CNTNAP5: variants seen among roughly 807,000 people sequenced by gnomAD.
CNTNAP5 encodes contactin-associated protein-like 5.
A neutral mutation model predicts 150.2 loss-of-function variants in CNTNAP5; 72 were observed. The ratio of observed to expected loss-of-function variants is 0.48; its 90% CI spans 0.40 to 0.58. The LOEUF (loss-of-function observed/expected upper bound fraction) is 0.58, where lower values mean the gene tolerates loss of function less well. Ranked by LOEUF, CNTNAP5 falls within the 20% of genes least tolerant of loss-of-function variation. CNTNAP5 has a pLI of 0.00. For missense variants in CNTNAP5, 1,636 were observed against 1,626.2 expected (o/e 1.01, Z -0.10); for synonymous variants, 672 against 619.8 (o/e 1.08, Z -1.25).
chr2:124,155,235 T>C (rs1368142328), intron 1 of CNTNAP5, among the ~76,000 whole-genome samples: 1 of 152,146 alleles, frequency 6.6e-6, no homozygotes, highest in Non-Finnish European at 1.5e-5. Flanking sequence ...GACTGCTCTT[T>C]AGATATTCAA....
chr2:124,785,269 A>G (rs376809473), intron 17 of CNTNAP5, among the ~76,000 whole-genome samples: 1 of 152,164 alleles, frequency 6.6e-6, no homozygotes. Context: ...TTCTGTGGTC[A>G]AGTGGAGAGT....
rs1677341241 is a variant in CNTNAP5, at chr2:124,609,855, T to C, written c.1811T>C (p.Phe604Ser). Reference sequence around the variant, plus strand: ...AGGCACCAGGGGAATACAGCCGGCTTCTTCTACATCGACTCAGATGGCAGC... The same window carrying C: ...AGGCACCAGGGGAATACAGCCGGCTCCTTCTACATCGACTCAGATGGCAGC... ...VYRHQGNTAGFFYIDSDGSGP... is the reference protein window; with the variant it reads ...VYRHQGNTAGSFYIDSDGSGP... The change falls in exon 12 of 24, where the codon TTC (phenylalanine) becomes TCC (serine). Residue 604 changes from phenylalanine (F) to serine (S), a missense_variant. Phe to Ser is a radical substitution (Grantham distance 155). Coordinates refer to ENST00000682447, the MANE Select transcript of CNTNAP5 (RefSeq NM_001367498.1). 1.9e-6 allele frequency: 3 copies of C among 1,613,890 alleles called. No homozygotes were observed. The Admixed American group carries it at 5.0e-5, about 27-fold the overall frequency.
chr2:124,484,063 C>T (rs1221704376), intron 7 of CNTNAP5, among the ~76,000 whole-genome samples: 3 of 152,192 alleles, frequency 2.0e-5, no homozygotes, highest in East Asian at 1.9e-4. Flanking sequence ...CTGTGGATCC[C>T]GACACTACTT....
At position 124,647,823 on chromosome 2, in the gene CNTNAP5, CCTGAGA is replaced by C; in HGVS notation, c.1943_1948del (p.Pro648_Lys650delinsGln). On this transcript the variant is annotated inframe_deletion, in exon 13 of 24. Coordinates refer to ENST00000682447, the MANE Select transcript of CNTNAP5 (RefSeq NM_001367498.1). ...GCTGACCCGAGTGCGGGGCGCTAAC[CCTGAGA>C]AGCCCTATGCCATGGCCTTGGACTA... 1 of 1,613,504 alleles carries C rather than the reference CCTGAGA, an allele frequency of 6.2e-7. No homozygotes were observed. The highest frequency in any genetic ancestry group is 8.5e-7 in the Non-Finnish European group (1 of 1,179,692).
chr2:124,196,593 A>C (rs186596209), intron 1 of CNTNAP5, among the ~76,000 whole-genome samples: 2 of 152,342 alleles, frequency 1.3e-5, no homozygotes, highest in Non-Finnish European at 2.9e-5. Context: ...AACGTATCAT[A>C]TGGAATGCTA....
chr2:124,337,917 A>G (rs1455690795), intron 3 of CNTNAP5, among the ~76,000 whole-genome samples: 3 of 151,706 alleles, frequency 2.0e-5, no homozygotes, highest in South Asian at 4.2e-4. Context: ...GAAGAAAGTC[A>G]TTGGTGGGAA....
At chr2:124,850,124 A>G (rs1434952210) in intron 19 of CNTNAP5, among the ~76,000 whole-genome samples, 4 of 152,232 alleles carry the variant, frequency 2.6e-5, no homozygotes, top group African/African-American at 9.6e-5. Flanking sequence ...CATTTGAGAT[A>G]GTTCCTAGAA....
chr2:124,843,304 G>C (rs1040918150), intron 19 of CNTNAP5, among the ~76,000 whole-genome samples: 1 of 151,772 alleles, frequency 6.6e-6, no homozygotes, highest in Admixed American at 6.6e-5. Flanking sequence ...CATTTGGGCT[G>C]GTTCTGTATT....
intron 19 of CNTNAP5, among the ~76,000 whole-genome samples, chr2:124,800,609 C>T (rs1681946938): frequency 1.3e-5 from 2 of 152,134 alleles, no homozygotes; most frequent in Non-Finnish European, 2.9e-5. Context: ...TTTTAAAATG[C>T]ACAATGTTTT....
chr2:124,089,708 A>G (rs1228910830), intron 1 of CNTNAP5, among the ~76,000 whole-genome samples: 3 of 152,176 alleles, frequency 2.0e-5, no homozygotes, highest in East Asian at 1.9e-4. Flanking sequence ...TCTATGCTGC[A>G]TTTTCTGCTC....
chr2:124,389,895 G>A (rs982416337), intron 3 of CNTNAP5, among the ~76,000 whole-genome samples: 7 of 152,090 alleles, frequency 4.6e-5, no homozygotes, highest in African/African-American at 1.7e-4. Context: ...GAGCCTGAGA[G>A]GTCAAGGCTG....
At chr2:124,401,160 C>T (rs886942807) in intron 3 of CNTNAP5, among the ~76,000 whole-genome samples, 2 of 152,148 alleles carry the variant, frequency 1.3e-5, no homozygotes, top group Non-Finnish European at 2.9e-5. Flanking sequence ...GCCATCGTGC[C>T]CAGCCAATTA....
chr2:124,342,926 T>C (rs1336402021), intron 3 of CNTNAP5, among the ~76,000 whole-genome samples: 1 of 152,206 alleles, frequency 6.6e-6, no homozygotes, highest in Non-Finnish European at 1.5e-5. Flanking sequence ...ATCAGTTTAG[T>C]ATTCTTTTTC....
chr2:124,467,058 C>T (rs1341716627), intron 6 of CNTNAP5, among the ~76,000 whole-genome samples: 2 of 152,162 alleles, frequency 1.3e-5, no homozygotes, highest in Non-Finnish European at 2.9e-5. Flanking sequence ...AAGATCAAAA[C>T]AGGCCGTTGT....
intron 3 of CNTNAP5, among the ~76,000 whole-genome samples, chr2:124,394,371 CAAA>C (rs70996062): frequency 1.3e-4 from 14 of 106,282 alleles, no homozygotes; most frequent in Non-Finnish European, 1.8e-4. Flanking sequence ...GACTCTGTCT[CAAA>C]AAAAAAAAAA....
intron 12 of CNTNAP5, among the ~76,000 whole-genome samples, chr2:124,635,237 G>T (rs1677947666): frequency 6.6e-6 from 1 of 152,154 alleles, no homozygotes; most frequent in African/African-American, 2.4e-5. Context: ...GTGGGAGCAG[G>T]AGAAAGAGAG....
At chr2:124,395,806 T>A (rs1691228287) in intron 3 of CNTNAP5, among the ~76,000 whole-genome samples, 1 of 152,110 alleles carries the variant, frequency 6.6e-6, no homozygotes, top group Non-Finnish European at 1.5e-5. Flanking sequence ...CACATACACA[T>A]ACACACTCAC....
chr2:124,148,447 A>G (rs751760610), intron 1 of CNTNAP5, among the ~76,000 whole-genome samples: 8 of 149,060 alleles, frequency 5.4e-5, no homozygotes, highest in Non-Finnish European at 4.4e-5. Context: ...CCGTATCGTC[A>G]TGTTTCTAAA....
At chr2:124,217,462 T>C (rs1487205934) in intron 1 of CNTNAP5, among the ~76,000 whole-genome samples, 1 of 152,152 alleles carries the variant, frequency 6.6e-6, no homozygotes, top group Non-Finnish European at 1.5e-5. Flanking sequence ...AGATAACATG[T>C]TCTTTCCTTG....
Sources: gnomAD v4.1 joint callset for allele counts (sites outside exome capture counted in the v4.1 genomes callset) on GRCh38, gnomAD v4.1.1 for gene constraint, MANE v1.5 for transcripts, NCBI Gene and HGNC (gene_info 2026-07-23, HGNC 2026-07-21) for gene names.